The following PTPRD variants were observed in gnomAD, a reference collection of about 807,000 sequenced individuals.
PTPRD encodes the protein receptor-type tyrosine-protein phosphatase delta.
Under a neutral mutation model 214.5 loss-of-function variants are expected in PTPRD, and 34 were observed. That is an observed-to-expected ratio of 0.16 (90% CI 0.12 to 0.21). PTPRD has a LOEUF of 0.21. Among genes scored for constraint, PTPRD ranks in the 10% least tolerant of loss-of-function variants. The pLI, the probability that PTPRD is intolerant of heterozygous loss-of-function variation, is 1.00. For synonymous variants in PTPRD, 1,128 were observed against 845.7 expected (o/e 1.33, Z -5.79); for missense variants, 2,545 against 2,398.7 (o/e 1.06, Z -1.27).
At position 8,899,714 on chromosome 9, in the gene PTPRD, T is replaced by G. The variant is rs530801073; in HGVS notation, c.-104+118983A>C. Among the ~76,000 whole-genome samples, 3 of 152,302 alleles carry G rather than the reference T, an allele frequency of 2.0e-5. No individual in the cohort carries two copies. The South Asian group carries it at 6.2e-4, about 32-fold the overall frequency. On this transcript the variant is annotated intron_variant, in intron 11 of 45. Coordinates refer to ENST00000381196, the MANE Select transcript of PTPRD (RefSeq NM_002839.4). Reference sequence around the variant, plus strand: ...GTGAACGTTTCTCCTTTCACTTGCATTTGCAATGTGTCACAATGGGGATTG... The same window carrying G: ...GTGAACGTTTCTCCTTTCACTTGCAGTTGCAATGTGTCACAATGGGGATTG...
At chr9:9,814,822 C>G (rs1282263072) in intron 5 of PTPRD, among the ~76,000 whole-genome samples, 1 of 103,772 alleles carries the variant, frequency 9.6e-6, no homozygotes, top group South Asian at 3.3e-4. Context: ...TTTTTCGATA[C>G]AGAATTTCAC....
intron 11 of PTPRD, among the ~76,000 whole-genome samples, chr9:8,762,140 G>C (rs116582616): frequency 1.3e-5 from 2 of 152,152 alleles, no homozygotes; most frequent in African/African-American, 4.8e-5. Context: ...TGTCTTTCTA[G>C]GAAAACATTC....
intron 3 of PTPRD, among the ~76,000 whole-genome samples, chr9:10,266,572 T>C (rs2094073945): frequency 6.6e-6 from 1 of 152,188 alleles, no homozygotes. Context: ...TTATTTTTAC[T>C]GTAAAATTGC....
intron 8 of PTPRD, among the ~76,000 whole-genome samples, chr9:9,556,515 C>G (rs1569569243): frequency 1.3e-5 from 2 of 152,200 alleles, no homozygotes; most frequent in African/African-American, 4.8e-5. Context: ...TCCTAGAAGT[C>G]TATCAATTGT....
intron 10 of PTPRD, among the ~76,000 whole-genome samples, chr9:9,125,648 C>A (rs149497717): frequency 1.3e-5 from 2 of 152,262 alleles, no homozygotes; most frequent in East Asian, 3.9e-4. Context: ...AAAACATAGC[C>A]TCCCAGGTGA....
intron 2 of PTPRD, among the ~76,000 whole-genome samples, chr9:10,458,532 G>A (rs183106998): frequency 1.2e-4 from 19 of 152,220 alleles, no homozygotes; most frequent in Middle Eastern, 3.4e-3. Context: ...AGACATAGAC[G>A]AAAAGTTCTT....
rs568813584 is a variant in PTPRD at position 9,854,415 on chromosome 9, G to C, written c.-368+84092C>G. 8.2e-4 allele frequency among the ~76,000 whole-genome samples: 125 copies of C among 151,962 alleles called. 1 individual carries two copies. The highest frequency in any genetic ancestry group is 6.6e-3 in the South Asian group (32 of 4,818). On this transcript the variant is annotated intron_variant, in intron 5 of 45. Coordinates refer to ENST00000381196, the MANE Select transcript of PTPRD (RefSeq NM_002839.4). ...TTCTGCATTTGACAGAGTGAGGGTT[G>C]GGAAATATTTATCCTATGAATCATA... is the stretch of plus-strand genomic sequence containing the variant.
At chr9:8,907,541 T>A (rs1311893894) in intron 11 of PTPRD, among the ~76,000 whole-genome samples, 26 of 134,020 alleles carry the variant, frequency 1.9e-4, no homozygotes, top group Admixed American at 8.3e-4. Context: ...AAAATATATA[T>A]ATATATATAT....
chr9:8,835,718 G>A (rs2097404145), intron 11 of PTPRD, among the ~76,000 whole-genome samples: 1 of 151,938 alleles, frequency 6.6e-6, no homozygotes, highest in South Asian at 2.1e-4. Flanking sequence ...TTTATTTTTT[G>A]TAGAGACGAG....
rs564295014 is a variant in PTPRD, at chr9:9,793,985, G to C, written c.-367-27134C>G. On this transcript the variant is annotated intron_variant, in intron 5 of 45. Coordinates refer to ENST00000381196, the MANE Select transcript of PTPRD (RefSeq NM_002839.4). ...AATCAAAAGGAGTAAGAAATAAAAA[G>C]ACTTAATCTGATTCCACCAACATGT... is the stretch of plus-strand genomic sequence containing the variant. 3.9e-5 allele frequency among the ~76,000 whole-genome samples: 6 copies of C among 152,020 alleles called. No homozygotes were observed. The South Asian group carries it at 1.2e-3, about 32-fold the overall frequency.
At position 10,031,647 on chromosome 9, in the gene PTPRD, T is replaced by TATATATATACAC; in HGVS notation, c.-472+2070_-472+2071insGTGTATATATAT. On this transcript the variant is annotated intron_variant, in intron 4 of 45. Transcript: ENST00000381196. ...CTCCATATATATATATATATATATA[T>TATATATATACAC]ACACACACACACACACACATACACA... 2.0e-4 allele frequency among the ~76,000 whole-genome samples: 18 copies of TATATATATACAC among 89,654 alleles called. 1 individual carries two copies. The highest frequency in any genetic ancestry group is 1.3e-3 in the African/African-American group (16 of 12,374). The allele number at this position is 89,654 out of a possible 152,430, so 58.8% of individuals were successfully genotyped here. A position where few individuals can be genotyped will look rare whatever the true frequency, so the allele number is the denominator to read the frequency against.
In PTPRD at chr9:10,031,647, T is replaced by TATATATACACAC; in HGVS notation, c.-472+2070_-472+2071insGTGTGTATATAT. Among the ~76,000 whole-genome samples the TATATATACACAC allele has an allele frequency of 3.0e-3, 270 of 89,612 alleles. 17 individuals are homozygous for TATATATACACAC. The highest frequency in any genetic ancestry group is 0.021 in the African/African-American group (253 of 12,338). 58.8% of individuals were successfully genotyped at this position (89,612 alleles called of 152,430 possible). A position where few individuals can be genotyped will look rare whatever the true frequency, so the allele number is the denominator to read the frequency against. On this transcript the variant is annotated intron_variant, in intron 4 of 45. Transcript: ENST00000381196. ...CTCCATATATATATATATATATATATACACACACACACACACACATACACA... is the reference window on the plus strand; with the variant it reads ...CTCCATATATATATATATATATATATATATATACACACACACACACACACACACACATACACA...
intron 7 of PTPRD, among the ~76,000 whole-genome samples, chr9:9,628,425 T>A (rs1257131478): frequency 1.3e-5 from 2 of 152,108 alleles, no homozygotes; most frequent in Non-Finnish European, 2.9e-5. Flanking sequence ...TCCCCATACA[T>A]CTTTCAGAAT....
At chr9:9,406,146 G>C (rs1309013852) in intron 8 of PTPRD, among the ~76,000 whole-genome samples, 2 of 151,908 alleles carry the variant, frequency 1.3e-5, no homozygotes, top group African/African-American at 2.4e-5. Flanking sequence ...GAGAATGTTT[G>C]CATACCTAAG....
intron 5 of PTPRD, among the ~76,000 whole-genome samples, chr9:9,881,155 A>G (rs1192642854): frequency 1.3e-5 from 2 of 152,164 alleles, no homozygotes; most frequent in South Asian, 2.1e-4. Flanking sequence ...TAAATTCTAT[A>G]TTAGACAAAA....
At chr9:9,361,099 G>A (rs1323907514) in intron 9 of PTPRD, among the ~76,000 whole-genome samples, 3 of 151,154 alleles carry the variant, frequency 2.0e-5, no homozygotes, top group African/African-American at 7.3e-5. Flanking sequence ...ATCATGTCAT[G>A]TTTAAATCCA....
intron 2 of PTPRD, among the ~76,000 whole-genome samples, chr9:10,512,075 T>A (rs1409724559): frequency 6.8e-6 from 1 of 146,618 alleles, no homozygotes; most frequent in Admixed American, 6.9e-5. Flanking sequence ...AAGTAAAAAC[T>A]ATGATTAGGA....
At chr9:9,916,434 C>T (rs961850809) in intron 5 of PTPRD, among the ~76,000 whole-genome samples, 3 of 151,916 alleles carry the variant, frequency 2.0e-5, no homozygotes, top group African/African-American at 4.8e-5. Context: ...TGTACGTCCT[C>T]ACCTATCAAT....
chr9:8,714,796 ACTCTG>A (rs1750760078), intron 12 of PTPRD, among the ~76,000 whole-genome samples: 1 of 151,804 alleles, frequency 6.6e-6, no homozygotes, highest in Non-Finnish European at 1.5e-5. Context: ...GATTTCCCTT[ACTCTG>A]GTCTTTCTCC....
Sources: gnomAD v4.1 joint callset for allele counts (sites outside exome capture counted in the v4.1 genomes callset) on GRCh38, gnomAD v4.1.1 for gene constraint, MANE v1.5 for transcripts, NCBI Gene and HGNC (gene_info 2026-07-23, HGNC 2026-07-21) for gene names.